TDRD7: variants seen among roughly 807,000 people sequenced by gnomAD.
TDRD7 encodes tudor domain-containing protein 7.
Under a neutral mutation model 109.8 loss-of-function variants are expected in TDRD7, and 47 were observed. That is an observed-to-expected ratio of 0.43 (90% confidence interval 0.34 to 0.55). The LOEUF (loss-of-function observed/expected upper bound fraction) is 0.55, where lower values mean the gene tolerates loss of function less well. Ranked by LOEUF, TDRD7 falls within the 20% of genes least tolerant of loss-of-function variation. The probability of loss-of-function intolerance (pLI) is 0.03; values close to 1 mark genes in which losing one functional copy is unlikely to be tolerated. For synonymous variants in TDRD7, 424 were observed against 457.3 expected (o/e 0.93, Z 0.93); for missense variants, 1,164 against 1,319.2 (o/e 0.88, Z 1.82).
chr9:97,460,689 C>G lies in TDRD7; in HGVS notation c.1367C>G (p.Pro456Arg). 1 of 1,614,166 alleles carries G rather than the reference C, an allele frequency of 6.2e-7. No individual in the cohort carries two copies. The change falls in exon 7 of 17, where the codon CCT becomes CGT. Residue 456 changes from proline to arginine, a missense_variant. By Grantham distance (103) the Pro-to-Arg change is moderately radical. This residue lies in a region of TDRD7 where 407 missense variants were observed against 394.0 expected (regional missense o/e 1.03). Transcript: ENST00000355295. The part of the protein sequence containing the change: ...NTFMEDITVP[P>R]LMIPTEASPS... The stretch of plus-strand genomic sequence containing the variant: ...TTTATGGAGGACATAACAGTTCCTC[C>G]TTTAATGATTCCAACTGAAGCATCA...
chr9:97,455,623 A>G (rs1587875933), intron 6 of TDRD7, among the ~76,000 whole-genome samples: 1 of 152,238 alleles, frequency 6.6e-6, no homozygotes, highest in Non-Finnish European at 1.5e-5. Context: ...AAAATTCAGT[A>G]TCCCTCCATG....
intron 10 of TDRD7, 82 bp downstream of exon 10, chr9:97,472,577 A>C: frequency 1.7e-6 from 2 of 1,175,066 alleles, no homozygotes; most frequent in Non-Finnish European, 2.5e-6. Context: ...TTTTAGGCTA[A>C]CAATTGATAG....
At chr9:97,482,723 A>G in intron 14 of TDRD7, 126 bp from the exon 15 acceptor site, 2 of 990,676 alleles carry the variant, frequency 2.0e-6, no homozygotes, top group Non-Finnish European at 3.0e-6. Context: ...TTTTTCCTTA[A>G]ATAAAATGGA....
Position 97,460,282 on chromosome 9 carries a change from A to T in TDRD7, c.960A>T (p.Pro320=), listed in dbSNP as rs1267262490. 6.2e-7 allele frequency: 1 copy of T among 1,614,094 alleles called. No individual in the cohort carries two copies. The highest frequency in any genetic ancestry group is 8.5e-7 in the Non-Finnish European group (1 of 1,180,052). The change falls in exon 7 of 17, where the codon CCA becomes CCT. Residue 320 remains proline, a synonymous_variant. Coordinates refer to ENST00000355295, the MANE Select transcript of TDRD7 (RefSeq NM_014290.3). The part of the protein sequence containing the change: ...ELDTEKVPLS[P]LPGPKQTPPL... ...ATACTGAGAAAGTACCTCTATCCCC[A>T]CTACCTGGTCCCAAACAAACACCAC...
chr9:97,454,151 A>G (rs927290772), intron 6 of TDRD7, among the ~76,000 whole-genome samples: 1 of 152,182 alleles, frequency 6.6e-6, no homozygotes, highest in Non-Finnish European at 1.5e-5. Context: ...TGGAAGTAAA[A>G]TGCTCCTCAG....
At chr9:97,454,801 AG>A (rs1828574022) in intron 6 of TDRD7, among the ~76,000 whole-genome samples, 1 of 152,196 alleles carries the variant, frequency 6.6e-6, no homozygotes, top group Non-Finnish European at 1.5e-5. Context: ...CTAATTCAAA[AG>A]CTTGCAGAAG....
chr9:97,487,882 A>G (rs1829239285), intron 16 of TDRD7, among the ~76,000 whole-genome samples: 1 of 152,140 alleles, frequency 6.6e-6, no homozygotes. Context: ...CATCTACATA[A>G]TAGAGTATTA....
At chr9:97,414,416 G>A (rs1416900953) in intron 1 of TDRD7, among the ~76,000 whole-genome samples, 2 of 152,156 alleles carry the variant, frequency 1.3e-5, no homozygotes, top group African/African-American at 4.8e-5. Context: ...TTACATATTT[G>A]GACCTTATTT....
intron 12 of TDRD7, among the ~76,000 whole-genome samples, chr9:97,477,007 G>T (rs1829033732): frequency 6.6e-6 from 1 of 152,074 alleles, no homozygotes; most frequent in Non-Finnish European, 1.5e-5. Context: ...ATGTGCCTAG[G>T]TATAAACTTC....
At chr9:97,458,368 T>C (rs1408160565) in intron 6 of TDRD7, among the ~76,000 whole-genome samples, 1 of 152,204 alleles carries the variant, frequency 6.6e-6, no homozygotes, top group Non-Finnish European at 1.5e-5. Context: ...GGATACCTAA[T>C]CTGTATTCTT....
In TDRD7 at chr9:97,431,077, A is replaced by G. The variant is rs1828096857; in HGVS notation, c.349+3A>G. 2 of 1,613,798 alleles carry G rather than the reference A, an allele frequency of 1.2e-6. No homozygotes were observed. Among genetic ancestry groups the G allele is most frequent in the Non-Finnish European group, 1.7e-6 (2 of 1,179,744 alleles). On this transcript the variant is annotated splice_donor_region_variant and intron_variant, in intron 3 of 16. Transcript: ENST00000355295. ...AACCATGCCATTTTTTCTAGAAGGT[A>G]GGAGCTTTTTACATGCTAAAATTTT...
At chr9:97,477,118 A>G (rs1458019164) in intron 12 of TDRD7, among the ~76,000 whole-genome samples, 1 of 152,202 alleles carries the variant, frequency 6.6e-6, no homozygotes, top group Non-Finnish European at 1.5e-5. Context: ...AACTTTTTCA[A>G]CTTTTTATTT....
intron 1 of TDRD7, among the ~76,000 whole-genome samples, chr9:97,416,801 G>T (rs1391747535): frequency 1.3e-5 from 2 of 151,952 alleles, no homozygotes; most frequent in Non-Finnish European, 2.9e-5. Context: ...GGTGGATGGA[G>T]AATTTCTTAT....
chr9:97,445,298 G>A (rs987990858), intron 6 of TDRD7, among the ~76,000 whole-genome samples: 2 of 149,760 alleles, frequency 1.3e-5, no homozygotes, highest in African/African-American at 4.9e-5. Flanking sequence ...GACTTGACTG[G>A]TATTTATAAA....
chr9:97,437,226 C>G (rs180692819), intron 4 of TDRD7, among the ~76,000 whole-genome samples: 17 of 152,296 alleles, frequency 1.1e-4, no homozygotes, highest in Admixed American at 1.1e-3. Context: ...TTCAGGGTCT[C>G]TCATGAGGCT....
chr9:97,481,451 TTTAAA>T (rs1159989426), intron 14 of TDRD7, among the ~76,000 whole-genome samples: 1 of 152,234 alleles, frequency 6.6e-6, no homozygotes, highest in Non-Finnish European at 1.5e-5. Context: ...CTTTTGCATC[TTTAAA>T]TCAAAAACAT....
At chr9:97,436,539 A>AT (rs1404162296) in intron 4 of TDRD7, among the ~76,000 whole-genome samples, 1 of 152,044 alleles carries the variant, frequency 6.6e-6, no homozygotes, top group Non-Finnish European at 1.5e-5. Context: ...TAATTATTGT[A>AT]TTTTTTGTAT....
At chr9:97,439,427 C>T (rs1828259927) in intron 5 of TDRD7, 109 bp downstream of exon 5, 2 of 886,036 alleles carry the variant, frequency 2.3e-6, no homozygotes, top group Non-Finnish European at 3.7e-6. Flanking sequence ...TGGAATATAT[C>T]CTTCCTCCCC....
intron 16 of TDRD7, among the ~76,000 whole-genome samples, chr9:97,488,560 G>GTTTTTTTTTTTTTTTTT (rs61689126): frequency 2.8e-5 from 4 of 140,588 alleles, no homozygotes; most frequent in Non-Finnish European, 4.6e-5. Flanking sequence ...AGATTTAATG[G>GTTTTTTTTTTTTTTTTT]TTTTTTTTTT....
Sources: allele counts gnomAD v4.1 joint callset (sites outside exome capture counted in the v4.1 genomes callset), GRCh38; gene constraint gnomAD v4.1.1; regional missense constraint gnomAD v4.1.1; transcripts MANE v1.5; gene names NCBI Gene and HGNC (gene_info 2026-07-23, HGNC 2026-07-21).